Variants in EXOC4 observed in about 807,000 individuals in gnomAD.
EXOC4 encodes the protein SEC8-like 1.
In EXOC4, 71 loss-of-function variants were observed where a neutral mutation model predicts 107.2. That is an observed-to-expected ratio of 0.66 (90% CI 0.55 to 0.81). EXOC4 has a LOEUF of 0.81. Among genes scored for constraint, EXOC4 ranks in the 30% least tolerant of loss-of-function variants. The pLI is 0.00. For missense variants in EXOC4, 1,108 were observed against 1,189.6 expected (o/e 0.93, Z 1.01); for synonymous variants, 456 against 441.2 (o/e 1.03, Z -0.42).
chr7:133,674,864 C>G (rs911839415), intron 10 of EXOC4, among the ~76,000 whole-genome samples: 9 of 152,130 alleles, frequency 5.9e-5, no homozygotes, highest in African/African-American at 2.2e-4. Flanking sequence ...CATCAAAGTT[C>G]ACCATGCTCA....
chr7:133,292,352 T>G (rs2150550762), intron 3 of EXOC4, among the ~76,000 whole-genome samples: 1 of 152,354 alleles, frequency 6.6e-6, no homozygotes, highest in South Asian at 2.1e-4. Flanking sequence ...CTTTCATTTA[T>G]TAAAATCTTC....
At chr7:133,576,558 G>C in intron 9 of EXOC4, 1 of 1,289,750 alleles carries the variant, frequency 7.8e-7, no homozygotes, top group Non-Finnish European at 1.0e-6. Flanking sequence ...ATGAGCAAAG[G>C]AGAGGATCCC....
chr7:133,719,510 G>A (rs555685506), intron 10 of EXOC4, among the ~76,000 whole-genome samples: 11 of 151,526 alleles, frequency 7.3e-5, no homozygotes, highest in Non-Finnish European at 1.0e-4. Context: ...TTTGAACTTC[G>A]ACTTCCATCT....
intron 5 of EXOC4, among the ~76,000 whole-genome samples, chr7:133,343,990 G>GT (rs991585700): frequency 2.0e-5 from 3 of 151,488 alleles, no homozygotes; most frequent in Admixed American, 2.0e-4. Flanking sequence ...TTTTATTTTT[G>GT]TTTTTTTGTA....
At chr7:133,273,507 C>T (rs2150522787) in intron 1 of EXOC4, among the ~76,000 whole-genome samples, 1 of 152,230 alleles carries the variant, frequency 6.6e-6, no homozygotes, top group Admixed American at 6.5e-5. Context: ...TTTGCCCTTC[C>T]CTTCATTGCC....
chr7:133,556,816 C>A (rs998285258), intron 9 of EXOC4, among the ~76,000 whole-genome samples: 9 of 152,118 alleles, frequency 5.9e-5, no homozygotes, highest in Non-Finnish European at 4.4e-5. Context: ...AGGGCTTGAT[C>A]TTCGGGGAAT....
chr7:133,551,679 C>A (rs1241903021), intron 9 of EXOC4: 7 of 152,104 alleles, frequency 4.6e-5, no homozygotes, highest in Non-Finnish European at 1.0e-4. Flanking sequence ...TATGGATCTC[C>A]ATATGGTGCT....
intron 10 of EXOC4, among the ~76,000 whole-genome samples, chr7:133,723,438 A>G (rs913709990): frequency 6.6e-6 from 1 of 152,212 alleles, no homozygotes; most frequent in African/African-American, 2.4e-5. Flanking sequence ...GAACACAGGT[A>G]AGACATTACC....
rs144081321 is a variant in EXOC4 at position 133,718,262 on chromosome 7, A to G, written c.1514+88121A>G. 3.1e-3 allele frequency among the ~76,000 whole-genome samples: 477 copies of G among 152,304 alleles called. 4 individuals carry two copies. The highest frequency in any genetic ancestry group is 5.1e-3 in the Admixed American group (78 of 15,296). Reference sequence around the variant, plus strand: ...AGTTTCCCTGGTATTCCGCCTTACCACAGGGCAAGAATGAGGAAGCATTCT... The same window carrying G: ...AGTTTCCCTGGTATTCCGCCTTACCGCAGGGCAAGAATGAGGAAGCATTCT... On this transcript the variant is annotated intron_variant, in intron 10 of 17. Transcript: ENST00000253861.
intron 10 of EXOC4, among the ~76,000 whole-genome samples, chr7:133,663,921 G>T (rs1261329869): frequency 6.6e-6 from 1 of 152,132 alleles, no homozygotes; most frequent in East Asian, 1.9e-4. Flanking sequence ...ATTATTTTCA[G>T]TGTTTTACAG....
At chr7:133,581,216 G>A (rs1251780738) in intron 9 of EXOC4, among the ~76,000 whole-genome samples, 1 of 152,212 alleles carries the variant, frequency 6.6e-6, no homozygotes, top group Non-Finnish European at 1.5e-5. Flanking sequence ...GAAGCTATGA[G>A]ATGATTCACT....
chr7:134,004,962 C>T lies in EXOC4; in HGVS notation c.2399C>T (p.Ala800Val), dbSNP rs1210087858. The T allele has an allele frequency of 1.2e-6, 2 of 1,613,478 alleles. No homozygotes were observed. Among genetic ancestry groups the T allele is most frequent in the Non-Finnish European group, 8.5e-7 (1 of 1,179,604 alleles). ...CCTCTTGCAAAGGAGGGGAACTATG[C>T]CATTGTGGCTAATGTGGAAAGTATG... ...LIPLAKEGNY[A>V]IVANVESMDY... is the part of the protein sequence containing the mutation. Residue 800 changes from alanine (A) to valine (V), a missense_variant, in exon 16 of 18, where the codon GCC becomes GTC. Ala to Val is a moderately conservative substitution (Grantham distance 64). Coordinates refer to ENST00000253861, the MANE Select transcript of EXOC4 (RefSeq NM_021807.4).
intron 14 of EXOC4, among the ~76,000 whole-genome samples, chr7:133,969,254 G>A (rs1328854098): frequency 1.3e-5 from 2 of 151,648 alleles, no homozygotes; most frequent in Non-Finnish European, 2.9e-5. Context: ...CCTTTTTCAA[G>A]GTTCTTAGCT....
intron 6 of EXOC4, among the ~76,000 whole-genome samples, chr7:133,361,611 G>A (rs940469531): frequency 6.6e-6 from 1 of 152,128 alleles, no homozygotes; most frequent in Non-Finnish European, 1.5e-5. Context: ...TCATGTAATG[G>A]ATAATGTTTG....
At chr7:134,013,093 C>T (rs1386351426) in intron 17 of EXOC4, among the ~76,000 whole-genome samples, 2 of 152,144 alleles carry the variant, frequency 1.3e-5, no homozygotes, top group African/African-American at 2.4e-5. Flanking sequence ...CCTCACTCCT[C>T]AAGTCTACGG....
Position 133,356,516 on chromosome 7 carries a change from A to C in EXOC4, c.950A>C (p.Gln317Pro), listed in dbSNP as rs1471014261. 6.2e-7 allele frequency: 1 copy of C among 1,613,984 alleles called. No homozygotes were observed. Among genetic ancestry groups the C allele is most frequent in the Non-Finnish European group, 8.5e-7 (1 of 1,179,962 alleles). The change falls in exon 6 of 18, where the codon CAG becomes CCG. Residue 317 changes from glutamine to proline, a missense_variant. Coordinates refer to ENST00000253861, the MANE Select transcript of EXOC4 (RefSeq NM_021807.4). ...CAAATTGTGAAGAGGTCTACAACCC[A>C]GGTGGCAGACAGTGGCTATCAGCGG... ...LKQIVKRSTT[Q>P]VADSGYQRGE... is the part of the protein sequence containing the mutation.
chr7:133,959,791 A>T (rs1044278034), intron 14 of EXOC4, among the ~76,000 whole-genome samples: 23 of 152,134 alleles, frequency 1.5e-4, no homozygotes, highest in African/African-American at 5.6e-4. Flanking sequence ...AGAGGAAGTT[A>T]GGTGACAAAA....
At chr7:133,673,712 A>G (rs944157085) in intron 10 of EXOC4, among the ~76,000 whole-genome samples, 8 of 152,238 alleles carry the variant, frequency 5.3e-5, no homozygotes, top group South Asian at 2.1e-4. Flanking sequence ...CAAGAAGACA[A>G]CACACATGCT....
At chr7:133,821,831 G>A (rs549718919) in intron 11 of EXOC4, among the ~76,000 whole-genome samples, 2 of 152,298 alleles carry the variant, frequency 1.3e-5, no homozygotes, top group Middle Eastern at 3.4e-3. Context: ...AATAGTGTCT[G>A]CCATAGAGGA....
Sources: allele counts gnomAD v4.1 joint callset (sites outside exome capture counted in the v4.1 genomes callset), GRCh38; gene constraint gnomAD v4.1.1; transcripts MANE v1.5; gene names NCBI Gene and HGNC (gene_info 2026-07-23, HGNC 2026-07-21).